Variants in DNAH6 observed in about 807,000 individuals in gnomAD.
The protein encoded by DNAH6 is dynein axonemal heavy chain 6, also known as axonemal beta dynein heavy chain 6.
Under a neutral mutation model 491.4 loss-of-function variants are expected in DNAH6, and 340 were observed. The observed-to-expected ratio is 0.69, with a 90% CI of 0.63 to 0.76. DNAH6 has a LOEUF of 0.76. Ranked by LOEUF, DNAH6 falls within the 30% of genes least tolerant of loss-of-function variation. The pLI, the probability that DNAH6 is intolerant of heterozygous loss-of-function variation, is 0.00. For synonymous variants in DNAH6, 1,603 were observed against 1,686.1 expected, an observed-to-expected ratio of 0.95 and a Z score of 1.21; for missense variants, 4,443 against 4,972.2, an observed-to-expected ratio of 0.89 and a Z score of 3.20.
At chr2:84,687,685 A>T (rs1436007805) in intron 44 of DNAH6, among the ~76,000 whole-genome samples, 1 of 152,188 alleles carries the variant, frequency 6.6e-6, no homozygotes, top group African/African-American at 2.4e-5. Context: ...GTGTTTTAGT[A>T]AAACATTCCA....
rs770824634 is a variant in DNAH6 at position 84,584,214 on chromosome 2, A to G, written c.2445A>G (p.Leu815=). Residue 815 remains leucine (L), a synonymous_variant, in exon 15 of 77, where the codon TTA becomes TTG. Transcript: ENST00000389394. The part of the protein sequence containing the change: ...CVHLGSDLEE[L]NNEVNEVKLQ... ...ATTTGGGTAGTGATCTTGAAGAATT[A>G]AACAACGAAGTGAATGAAGTAAAAC... The G allele has an allele frequency of 6.2e-7, 1 of 1,614,070 alleles. No homozygotes were observed. Among genetic ancestry groups the G allele is most frequent in the African/African-American group, 1.3e-5 (1 of 74,940 alleles).
the DNAH6 span, among the ~76,000 whole-genome samples, chr2:84,485,696 A>G: frequency 6.6e-6 from 1 of 152,026 alleles, no homozygotes; most frequent in South Asian, 2.1e-4. Context: ...CTAAAGGCCA[A>G]TTATGTGCCC....
At chr2:84,549,647 G>T (rs1679129841) in intron 8 of DNAH6, among the ~76,000 whole-genome samples, 1 of 152,034 alleles carries the variant, frequency 6.6e-6, no homozygotes, top group South Asian at 2.1e-4. Flanking sequence ...ATATTCTATT[G>T]AAAAGTTAGA....
rs943971548 is a variant in DNAH6, at chr2:84,570,135, A to G, written c.1804-3332A>G. ...TCAAGGGGTGGGGTAGGATAGTACAATATGAGCCTAGAGAATATTATTCAC... is the reference window on the plus strand; with the variant it reads ...TCAAGGGGTGGGGTAGGATAGTACAGTATGAGCCTAGAGAATATTATTCAC... On this transcript the variant is annotated intron_variant, in intron 11 of 76. Coordinates refer to ENST00000389394, the MANE Select transcript of DNAH6 (RefSeq NM_001370.2). 4.7e-4 allele frequency among the ~76,000 whole-genome samples: 71 copies of G among 152,172 alleles called. 1 individual carries two copies. The highest frequency in any genetic ancestry group is 1.7e-3 in the African/African-American group (70 of 41,426).
intron 2 of DNAH6, among the ~76,000 whole-genome samples, chr2:84,524,425 C>T (rs1053388465): frequency 6.6e-6 from 1 of 151,608 alleles, no homozygotes; most frequent in African/African-American, 2.4e-5. Context: ...GGTTATTTAG[C>T]CCATTTACAT....
intron 59 of DNAH6, among the ~76,000 whole-genome samples, chr2:84,720,267 CTTTTTTTTTT>C (rs56944137): frequency 4.4e-4 from 22 of 49,482 alleles, no homozygotes; most frequent in African/African-American, 1.5e-3. Context: ...AAGAGTGCTT[CTTTTTTTTTT>C]TTTTTTTTTT....
the DNAH6 span, among the ~76,000 whole-genome samples, chr2:84,470,566 C>A: frequency 1.3e-5 from 2 of 152,128 alleles, no homozygotes; most frequent in African/African-American, 4.8e-5. Flanking sequence ...GCAGTGAGGA[C>A]AACCAGAGTG....
chr2:84,650,779 C>T (rs1264980924), intron 33 of DNAH6, among the ~76,000 whole-genome samples: 2 of 152,148 alleles, frequency 1.3e-5, no homozygotes, highest in Non-Finnish European at 2.9e-5. Context: ...TCAGTGTTAG[C>T]ATCTATTGAT....
intron 62 of DNAH6, among the ~76,000 whole-genome samples, chr2:84,735,556 AT>A (rs1415596010): frequency 1.3e-5 from 2 of 152,000 alleles, no homozygotes; most frequent in East Asian, 1.9e-4. Context: ...GCCAAAATCT[AT>A]TTTTTTGACT....
At chr2:84,620,277 A>G (rs185781366) in intron 24 of DNAH6, among the ~76,000 whole-genome samples, 1 of 152,288 alleles carries the variant, frequency 6.6e-6, no homozygotes, top group East Asian at 1.9e-4. Context: ...GGGATTAGTA[A>G]TTGTATCTGA....
At chr2:84,478,873 T>G in the DNAH6 span, among the ~76,000 whole-genome samples, 1 of 152,050 alleles carries the variant, frequency 6.6e-6, no homozygotes, top group Admixed American at 6.6e-5. Flanking sequence ...TGAGGGGAAT[T>G]TTACTGCTGT....
At chr2:84,737,401 G>T (rs1218104169) in intron 62 of DNAH6, among the ~76,000 whole-genome samples, 2 of 152,010 alleles carry the variant, frequency 1.3e-5, no homozygotes, top group African/African-American at 4.8e-5. Flanking sequence ...CAGTGGAATT[G>T]GTACCAGCTC....
At chr2:84,572,410 A>G (rs990204995) in intron 11 of DNAH6, among the ~76,000 whole-genome samples, 1 of 152,184 alleles carries the variant, frequency 6.6e-6, no homozygotes, top group Non-Finnish European at 1.5e-5. Context: ...GGGGCTTTCC[A>G]TTTACAAGCC....
At chr2:84,744,957 T>C in intron 62 of DNAH6, 123 bp from the exon 63 acceptor site, 3 of 582,134 alleles carry the variant, frequency 5.2e-6, no homozygotes, top group Non-Finnish European at 2.8e-6. Flanking sequence ...CTGATGTATT[T>C]ATAGTATACT....
At chr2:84,660,447 T>C (rs1294817403) in intron 37 of DNAH6, among the ~76,000 whole-genome samples, 1 of 152,176 alleles carries the variant, frequency 6.6e-6, no homozygotes, top group Non-Finnish European at 1.5e-5. Flanking sequence ...CTCTTTCTTA[T>C]GGCTAATACC....
At chr2:84,719,270 CTT>C (rs1390019741) in intron 59 of DNAH6, among the ~76,000 whole-genome samples, 1 of 152,120 alleles carries the variant, frequency 6.6e-6, no homozygotes, top group Non-Finnish European at 1.5e-5. Context: ...TCATAGATCT[CTT>C]TATCCTCCTG....
At chr2:84,719,963 T>G (rs143666983) in intron 59 of DNAH6, among the ~76,000 whole-genome samples, 281 of 152,102 alleles carry the variant, frequency 1.8e-3, no homozygotes, top group African/African-American at 6.4e-3. Context: ...TATATCCTGA[T>G]TATAGCTGAA....
At chr2:84,615,864 T>G (rs544002905) in intron 22 of DNAH6, among the ~76,000 whole-genome samples, 1 of 152,174 alleles carries the variant, frequency 6.6e-6, no homozygotes, top group Non-Finnish European at 1.5e-5. Flanking sequence ...TCACTGTTAG[T>G]GTATAGCAGA....
the DNAH6 span, among the ~76,000 whole-genome samples, chr2:84,505,803 G>C: frequency 6.6e-6 from 1 of 152,220 alleles, no homozygotes; most frequent in East Asian, 1.9e-4. Flanking sequence ...GTTAGAACAT[G>C]CGGTGTTTGT....
Sources: allele counts gnomAD v4.1 joint callset (sites outside exome capture counted in the v4.1 genomes callset), GRCh38; gene constraint gnomAD v4.1.1; transcripts MANE v1.5; gene names NCBI Gene and HGNC (gene_info 2026-07-23, HGNC 2026-07-21).